The following KLRG1 variants were observed in gnomAD, a reference collection of about 807,000 sequenced individuals.
KLRG1 encodes killer cell lectin like receptor G1, also known as killer cell lectin-like receptor subfamily G member 1.
KLRG1 carries 16 observed loss-of-function variants against 21.8 expected under a neutral mutation model. The ratio of observed to expected loss-of-function variants is 0.73; its 90% CI spans 0.50 to 1.11. The LOEUF (loss-of-function observed/expected upper bound fraction) is 1.11. Among genes scored for constraint, KLRG1 ranks in the 50% most tolerant of loss-of-function variants. KLRG1 has a pLI of 0.00. For synonymous variants in KLRG1, 69 were observed against 75.9 expected, an observed-to-expected ratio of 0.91 and a Z score of 0.47; for missense variants, 173 against 218.3, an observed-to-expected ratio of 0.79 and a Z score of 1.31.
At chr12:9,047,343 T>G in the KLRG1 span, among the ~76,000 whole-genome samples, 1 of 152,244 alleles carries the variant, frequency 6.6e-6, no homozygotes, top group East Asian at 1.9e-4. Context: ...CTCAGTGTAG[T>G]GTTATTTGAA....
At chr12:9,037,715 GT>G in the KLRG1 span, among the ~76,000 whole-genome samples, 2 of 152,084 alleles carry the variant, frequency 1.3e-5, no homozygotes, top group Non-Finnish European at 2.9e-5. Context: ...GTTTTATACT[GT>G]TTTTTGATGG....
chr12:8,982,992 C>A (rs371204863), intron 1 of KLRG1, among the ~76,000 whole-genome samples: 3 of 152,138 alleles, frequency 2.0e-5, no homozygotes, highest in Non-Finnish European at 4.4e-5. Flanking sequence ...TCTAGTCTTA[C>A]AATTTGTGCC....
the KLRG1 span, chr12:9,154,726 A>G: frequency 1.2e-6 from 2 of 1,614,126 alleles, no homozygotes; most frequent in Non-Finnish European, 1.7e-6. Context: ...GCCGTGAGAT[A>G]AGCGAGGAGC....
At chr12:8,965,868 C>A (rs967146395) in intron 1 of KLRG1, among the ~76,000 whole-genome samples, 1 of 152,172 alleles carries the variant, frequency 6.6e-6, no homozygotes, top group African/African-American at 2.4e-5. Context: ...AAAAAAGAGT[C>A]CACATTGCCA....
At chr12:9,123,162 A>G in the KLRG1 span, among the ~76,000 whole-genome samples, 7 of 152,186 alleles carry the variant, frequency 4.6e-5, 1 homozygote, top group African/African-American at 1.2e-4. Context: ...TTAATCTTGT[A>G]TATAGTAGTT....
At chr12:9,008,573 C>T (rs1947544641) in intron 3 of KLRG1, among the ~76,000 whole-genome samples, 1 of 151,538 alleles carries the variant, frequency 6.6e-6, no homozygotes. Flanking sequence ...CTGGAAAATC[C>T]AACATCAAGG....
At chr12:9,141,889 A>G in the KLRG1 span, among the ~76,000 whole-genome samples, 1 of 152,212 alleles carries the variant, frequency 6.6e-6, no homozygotes, top group Admixed American at 6.5e-5. Context: ...CATGTGTCCT[A>G]GGTCTTACCT....
chr12:8,989,027 A>G (rs1204884922), upstream of KLRG1, among the ~76,000 whole-genome samples: 4 of 152,254 alleles, frequency 2.6e-5, no homozygotes, highest in Non-Finnish European at 5.9e-5. Flanking sequence ...GAAAAAATAT[A>G]ATGGAATTTC....
chr12:8,987,224 C>T (rs1046865712), upstream of KLRG1: 2 of 152,016 alleles, frequency 1.3e-5, no homozygotes, highest in East Asian at 1.9e-4. Flanking sequence ...ATATTGAAGC[C>T]CTAATCCTCA....
chr12:9,027,511 A>T, the KLRG1 span: 7 of 1,110,194 alleles, frequency 6.3e-6, no homozygotes, highest in Non-Finnish European at 8.0e-6. Context: ...TTCTCCTGCT[A>T]AGCTTTGTTT....
At chr12:9,105,310 T>A in the KLRG1 span, among the ~76,000 whole-genome samples, 2 of 152,182 alleles carry the variant, frequency 1.3e-5, no homozygotes, top group African/African-American at 4.8e-5. Context: ...GAGAGTCTTA[T>A]GACAAATAGG....
At chr12:9,112,879 A>G in the KLRG1 span, among the ~76,000 whole-genome samples, 2 of 152,180 alleles carry the variant, frequency 1.3e-5, no homozygotes, top group African/African-American at 2.4e-5. Flanking sequence ...CAGGCTATGG[A>G]AAAAAACCCC....
the KLRG1 span, chr12:9,077,517 C>T: frequency 2.0e-6 from 3 of 1,464,110 alleles, no homozygotes; most frequent in South Asian, 3.6e-5. Flanking sequence ...CATCCTTACC[C>T]ATATCCATCC....
At chr12:9,026,344 A>C in the KLRG1 span, among the ~76,000 whole-genome samples, 1 of 152,250 alleles carries the variant, frequency 6.6e-6, no homozygotes, top group Non-Finnish European at 1.5e-5. Flanking sequence ...TTTTGAAAGC[A>C]TGAGCCAAAA....
the KLRG1 span, chr12:9,151,583 C>G: frequency 2.5e-6 from 4 of 1,607,376 alleles, no homozygotes; most frequent in Non-Finnish European, 3.4e-6. Context: ...GTAGTCTCAG[C>G]CAGGATGTCA....
At chr12:9,185,446 T>C in the KLRG1 span, among the ~76,000 whole-genome samples, 3 of 152,186 alleles carry the variant, frequency 2.0e-5, no homozygotes, top group African/African-American at 7.2e-5. Flanking sequence ...GTAAAAAGAC[T>C]GAATCTACAA....
intron 1 of KLRG1, among the ~76,000 whole-genome samples, chr12:8,965,121 T>C (rs1946446746): frequency 6.6e-6 from 1 of 152,302 alleles, no homozygotes; most frequent in Non-Finnish European, 1.5e-5. Context: ...AAAAGGCCTT[T>C]GACAAAATTC....
chr12:9,144,569 A>G, the KLRG1 span, among the ~76,000 whole-genome samples: 3 of 152,070 alleles, frequency 2.0e-5, no homozygotes, highest in Non-Finnish European at 4.4e-5. Context: ...TCAACAGTCA[A>G]AGACAGGTTT....
the KLRG1 span, among the ~76,000 whole-genome samples, chr12:9,016,989 C>G: frequency 6.6e-6 from 1 of 151,970 alleles, no homozygotes; most frequent in Admixed American, 6.6e-5. Context: ...TACCCTGATA[C>G]AAAACCAAAG....
Sources: allele counts gnomAD v4.1 joint callset (sites outside exome capture counted in the v4.1 genomes callset), GRCh38; gene constraint gnomAD v4.1.1; transcripts MANE v1.5; gene names NCBI Gene and HGNC (gene_info 2026-07-23, HGNC 2026-07-21).